The following AQP9 variants were observed in gnomAD, a reference collection of about 807,000 sequenced individuals.
The protein encoded by AQP9 is aquaporin-9.
In AQP9, 19 loss-of-function variants were observed where a neutral mutation model predicts 23.8. That is an observed-to-expected ratio of 0.80 (90% confidence interval 0.56 to 1.17). AQP9 has a LOEUF of 1.17. AQP9 is among the 50% of genes most tolerant of loss of function. The probability of loss-of-function intolerance (pLI) is 0.00; values close to 1 mark genes in which losing one functional copy is unlikely to be tolerated. For synonymous variants in AQP9, 153 were observed against 131.5 expected (o/e 1.16, Z -1.12); for missense variants, 413 against 362.0 (o/e 1.14, Z -1.14).
At chr15:58,162,533 T>G (rs201664584) in intron 1 of AQP9, among the ~76,000 whole-genome samples, 2 of 152,284 alleles carry the variant, frequency 1.3e-5, no homozygotes, top group East Asian at 3.9e-4. Context: ...ATGGGTTAGG[T>G]GAACACCTAT....
intron 1 of AQP9, among the ~76,000 whole-genome samples, chr15:58,144,886 C>T (rs142766051): frequency 0.015 from 2,292 of 151,722 alleles, 47 homozygotes; most frequent in African/African-American, 0.052. Flanking sequence ...TGATGGCATG[C>T]ACCTGTAGTC....
At chr15:58,174,132 T>C (rs934418446) in intron 3 of AQP9, among the ~76,000 whole-genome samples, 2 of 150,568 alleles carry the variant, frequency 1.3e-5, no homozygotes, top group Non-Finnish European at 3.0e-5. Context: ...GAAAAAAAAA[T>C]TAAAAATAAG....
At chr15:58,150,666 C>G (rs934223571) in intron 1 of AQP9, 14 of 152,172 alleles carry the variant, frequency 9.2e-5, no homozygotes, top group Non-Finnish European at 5.9e-5. Context: ...GTGACCGACA[C>G]CTTACTAGCA....
intron 2 of AQP9, among the ~76,000 whole-genome samples, chr15:58,168,333 C>G (rs1370590484): frequency 6.6e-6 from 1 of 152,084 alleles, no homozygotes; most frequent in East Asian, 1.9e-4. Flanking sequence ...ACCCAGCCAA[C>G]ACATCCCCAT....
At chr15:58,181,062 C>T (rs66717621) in intron 5 of AQP9, among the ~76,000 whole-genome samples, 5 of 152,228 alleles carry the variant, frequency 3.3e-5, no homozygotes, top group African/African-American at 9.6e-5. Flanking sequence ...CCCTTTGAGA[C>T]CTCCTTGGTG....
Position 58,175,006 on chromosome 15 carries a change from T to C in AQP9, c.465T>C (p.Tyr155=). Residue 155 remains tyrosine (Y), a synonymous_variant, in exon 4 of 6, where the codon TAT becomes TAC. Transcript: ENST00000219919. ...TTTTTGCAACATACCCAGCTCCGTA[T>C]CTATCTCTGGCGAACGCATTTGCAG... ...AHIFATYPAP[Y]LSLANAFADQ... The C allele has an allele frequency of 6.2e-7, 1 of 1,614,154 alleles. No homozygotes were observed. Among genetic ancestry groups the C allele is most frequent in the Non-Finnish European group, 8.5e-7 (1 of 1,179,960 alleles).
chr15:58,181,957 A>G (rs1430683609), intron 5 of AQP9, among the ~76,000 whole-genome samples: 1 of 151,842 alleles, frequency 6.6e-6, no homozygotes, highest in Non-Finnish European at 1.5e-5. Flanking sequence ...GAAATCCCTC[A>G]GTAGATATCC....
At chr15:58,169,830 T>C (rs571465117) in intron 2 of AQP9, among the ~76,000 whole-genome samples, 2 of 152,328 alleles carry the variant, frequency 1.3e-5, no homozygotes, top group South Asian at 2.1e-4. Context: ...GCAATTGCTA[T>C]TGATGTAGTA....
At chr15:58,166,226 C>T (rs1264859758) in intron 1 of AQP9, among the ~76,000 whole-genome samples, 2 of 152,100 alleles carry the variant, frequency 1.3e-5, no homozygotes, top group Non-Finnish European at 2.9e-5. Context: ...TAAAGGGATC[C>T]CCAACTGCTA....
At chr15:58,182,497 A>G (rs543085327) in intron 5 of AQP9, among the ~76,000 whole-genome samples, 271 of 152,330 alleles carry the variant, frequency 1.8e-3, no homozygotes, top group African/African-American at 6.3e-3. Flanking sequence ...TTGGACCTTC[A>G]TCTGCTAAAT....
chr15:58,154,084 G>A (rs1407531813), intron 1 of AQP9: 3 of 152,008 alleles, frequency 2.0e-5, no homozygotes, highest in Admixed American at 6.6e-5. Flanking sequence ...CCTCTTACTA[G>A]CAATAGAACT....
chr15:58,182,909 T>C (rs898199698), intron 5 of AQP9, among the ~76,000 whole-genome samples: 1 of 152,206 alleles, frequency 6.6e-6, no homozygotes, highest in Non-Finnish European at 1.5e-5. Flanking sequence ...CTAGATAATC[T>C]TGAGATTAGA....
intron 1 of AQP9, among the ~76,000 whole-genome samples, chr15:58,158,365 C>G (rs1393206735): frequency 2.0e-5 from 3 of 152,172 alleles, no homozygotes; most frequent in African/African-American, 7.2e-5. Context: ...GGTTCTCTCT[C>G]CTTACAGTGA....
intron 1 of AQP9, among the ~76,000 whole-genome samples, chr15:58,164,589 CA>C (rs1283154293): frequency 6.6e-6 from 1 of 152,062 alleles, no homozygotes; most frequent in Non-Finnish European, 1.5e-5. Flanking sequence ...AAAATGGACT[CA>C]GGGGATTTTT....
At chr15:58,148,063 A>G (rs1310860629) in intron 1 of AQP9, among the ~76,000 whole-genome samples, 2 of 152,122 alleles carry the variant, frequency 1.3e-5, no homozygotes, top group Non-Finnish European at 2.9e-5. Flanking sequence ...AAATTTAAAA[A>G]CTTGTACATA....
At chr15:58,170,464 G>A (rs1319793638) in intron 2 of AQP9, among the ~76,000 whole-genome samples, 2 of 151,656 alleles carry the variant, frequency 1.3e-5, no homozygotes, top group Admixed American at 6.6e-5. Context: ...GAGTGCAGTG[G>A]CATAATCTCA....
At chr15:58,161,639 C>T (rs1898385335) in intron 1 of AQP9, among the ~76,000 whole-genome samples, 1 of 152,180 alleles carries the variant, frequency 6.6e-6, no homozygotes, top group Non-Finnish European at 1.5e-5. Context: ...TTTTTATTGC[C>T]AGGCAGCAAG....
chr15:58,156,276 A>G (rs1898257974), intron 1 of AQP9, among the ~76,000 whole-genome samples: 1 of 152,222 alleles, frequency 6.6e-6, no homozygotes, highest in Admixed American at 6.5e-5. Context: ...GTGCTTTTAT[A>G]TACTTCATGC....
intron 1 of AQP9, among the ~76,000 whole-genome samples, chr15:58,165,363 AT>A (rs1386658944): frequency 1.3e-5 from 2 of 152,106 alleles, no homozygotes; most frequent in African/African-American, 2.4e-5. Context: ...TGTGGGGCCC[AT>A]TTTTTTAAAA....
Sources: gnomAD v4.1 joint callset for allele counts (sites outside exome capture counted in the v4.1 genomes callset) on GRCh38, gnomAD v4.1.1 for gene constraint, MANE v1.5 for transcripts, NCBI Gene and HGNC (gene_info 2026-07-23, HGNC 2026-07-21) for gene names.